ABI3BP: variants seen among roughly 807,000 people sequenced by gnomAD.
The protein encoded by ABI3BP is target of Nesh-SH3.
Under a neutral mutation model 268.6 loss-of-function variants are expected in ABI3BP, and 216 were observed. The ratio of observed to expected loss-of-function variants is 0.80; its 90% CI spans 0.72 to 0.90. The LOEUF (loss-of-function observed/expected upper bound fraction) is 0.90. Ranked by LOEUF, ABI3BP falls within the 40% of genes least tolerant of loss-of-function variation. The pLI is 0.00. For missense variants in ABI3BP, 2,090 were observed against 2,182.4 expected (o/e 0.96, Z 0.84); for synonymous variants, 730 against 730.0 (o/e 1.00, Z 0.00).
chr3:100,811,192 A>G (rs758963074), intron 48 of ABI3BP, 38 bp downstream of exon 48: 19 of 1,512,434 alleles, frequency 1.3e-5, no homozygotes, highest in Non-Finnish European at 1.6e-5. Context: ...GGCAATGAAG[A>G]CAGAGAGCAC....
chr3:100,878,997 C>A (rs1263917405), intron 6 of ABI3BP, among the ~76,000 whole-genome samples: 1 of 152,202 alleles, frequency 6.6e-6, no homozygotes, highest in Non-Finnish European at 1.5e-5. Context: ...ATATCCACCT[C>A]CTCACTTACC....
intron 15 of ABI3BP, 121 bp from the exon 16 acceptor site, chr3:100,850,855 G>T: frequency 2.9e-6 from 2 of 692,848 alleles, no homozygotes; most frequent in Non-Finnish European, 2.5e-6. Context: ...TTGAGGGCTT[G>T]CTGGCCCACA....
intron 6 of ABI3BP, among the ~76,000 whole-genome samples, chr3:100,883,373 G>A (rs554445865): frequency 6.6e-6 from 1 of 152,206 alleles, no homozygotes; most frequent in Admixed American, 6.5e-5. Flanking sequence ...TATAACAAAT[G>A]TGAGAAAAAT....
At chr3:100,830,295 T>C (rs2098469987) in intron 32 of ABI3BP, among the ~76,000 whole-genome samples, 1 of 151,204 alleles carries the variant, frequency 6.6e-6, no homozygotes, top group Non-Finnish European at 1.5e-5. Context: ...GTGATTATAT[T>C]TGAAACTTAG....
intron 1 of ABI3BP, among the ~76,000 whole-genome samples, chr3:100,939,908 C>T (rs983606492): frequency 1.3e-5 from 2 of 151,966 alleles, no homozygotes; most frequent in African/African-American, 4.8e-5. Flanking sequence ...TAGGCCTATA[C>T]CCCCAGGCGC....
At chr3:100,934,448 T>C (rs1264360503) in intron 1 of ABI3BP, among the ~76,000 whole-genome samples, 1 of 151,508 alleles carries the variant, frequency 6.6e-6, no homozygotes, top group African/African-American at 2.4e-5. Flanking sequence ...AACATATGTG[T>C]GTATGTGTCT....
chr3:100,966,105 T>A (rs2081200032), intron 1 of ABI3BP, among the ~76,000 whole-genome samples: 1 of 152,210 alleles, frequency 6.6e-6, no homozygotes, highest in Admixed American at 6.5e-5. Context: ...CCTGAGAATG[T>A]CTCTGTTCTC....
chr3:100,768,609 C>T (rs2096418446), intron 62 of ABI3BP, among the ~76,000 whole-genome samples: 1 of 152,134 alleles, frequency 6.6e-6, no homozygotes, highest in Non-Finnish European at 1.5e-5. Flanking sequence ...ACAAAAATTG[C>T]TCCTACCGAT....
At chr3:100,802,204 A>G (rs924462158) in intron 51 of ABI3BP, among the ~76,000 whole-genome samples, 1 of 152,234 alleles carries the variant, frequency 6.6e-6, no homozygotes, top group Non-Finnish European at 1.5e-5. Context: ...GTGACTACAC[A>G]TAAGAATTTT....
At chr3:100,825,195 C>T (rs2098351747) in intron 35 of ABI3BP, among the ~76,000 whole-genome samples, 1 of 151,990 alleles carries the variant, frequency 6.6e-6, no homozygotes, top group Admixed American at 6.6e-5. Context: ...TATAGAACTT[C>T]CTTGCTGGGG....
intron 11 of ABI3BP, chr3:100,864,551 T>G (rs1431531264): frequency 1.0e-5 from 4 of 384,056 alleles, no homozygotes; most frequent in African/African-American, 6.2e-5. Flanking sequence ...AAGGCTGGTA[T>G]TCTGTCTGTA....
intron 2 of ABI3BP, among the ~76,000 whole-genome samples, chr3:100,919,327 C>T (rs931297720): frequency 3.3e-5 from 5 of 151,992 alleles, no homozygotes; most frequent in African/African-American, 1.2e-4. Context: ...TATATTTCAT[C>T]CCACTTTCAT....
intron 58 of ABI3BP, 47 bp downstream of exon 58, chr3:100,780,085 A>G: frequency 6.3e-7 from 1 of 1,587,594 alleles, no homozygotes; most frequent in Non-Finnish European, 8.6e-7. Context: ...GTTACCATCC[A>G]AGTTTCAGAG....
At chr3:100,840,260 TG>T in intron 22 of ABI3BP, 96 bp from the exon 23 acceptor site, 1 of 918,690 alleles carries the variant, frequency 1.1e-6, no homozygotes, top group Non-Finnish European at 1.6e-6. Context: ...TTAAACCCTT[TG>T]ATTTACTGTG....
intron 14 of ABI3BP, among the ~76,000 whole-genome samples, chr3:100,859,491 G>A (rs6801756): frequency 6.6e-6 from 1 of 152,110 alleles, no homozygotes; most frequent in Non-Finnish European, 1.5e-5. Context: ...TCTCAAAATA[G>A]TTGCTTTAGG....
At chr3:100,977,605 T>C (rs775982446) in intron 1 of ABI3BP, among the ~76,000 whole-genome samples, 8 of 152,242 alleles carry the variant, frequency 5.3e-5, no homozygotes, top group Non-Finnish European at 5.9e-5. Context: ...TTTCTCCAGA[T>C]TGGGTGATCC....
chr3:100,944,663 A>G (rs1380943977), intron 1 of ABI3BP, among the ~76,000 whole-genome samples: 2 of 152,158 alleles, frequency 1.3e-5, no homozygotes, highest in African/African-American at 2.4e-5. Flanking sequence ...ACTGGAACCA[A>G]TGGTTTTATC....
chr3:100,872,884 G>C (rs1183318463), intron 9 of ABI3BP, among the ~76,000 whole-genome samples: 3 of 152,106 alleles, frequency 2.0e-5, no homozygotes, highest in African/African-American at 7.2e-5. Context: ...AGGACTACTA[G>C]ATATGACTAT....
chr3:100,851,075 A>C lies in ABI3BP; in HGVS notation c.1352-341T>G, dbSNP rs146269814. 3.5e-3 allele frequency among the ~76,000 whole-genome samples: 529 copies of C among 152,302 alleles called. 2 individuals are homozygous for C. The highest frequency in any genetic ancestry group is 0.012 in the African/African-American group (519 of 41,568). ...CATTGTTTTATTTTCTGCTCTTTAA[A>C]ATTATTCATCTTTATTTACCATGAC... On this transcript the variant is annotated intron_variant, in intron 15 of 67. Transcript: ENST00000471714.
Sources: allele counts gnomAD v4.1 joint callset (sites outside exome capture counted in the v4.1 genomes callset), GRCh38; gene constraint gnomAD v4.1.1; transcripts MANE v1.5; gene names NCBI Gene and HGNC (gene_info 2026-07-23, HGNC 2026-07-21).